Variants in PCCA observed in about 807,000 individuals in gnomAD.
PCCA encodes propionyl-CoA carboxylase alpha chain, mitochondrial.
A neutral mutation model predicts 101.3 loss-of-function variants in PCCA; 74 were observed. That is an observed-to-expected ratio of 0.73 (90% CI 0.61 to 0.89). PCCA has a LOEUF of 0.89. Ranked by LOEUF, PCCA falls within the 40% of genes least tolerant of loss-of-function variation. PCCA has a pLI of 0.00. For missense variants in PCCA, 891 were observed against 907.0 expected, an observed-to-expected ratio of 0.98 and a Z score of 0.23; for synonymous variants, 294 against 313.6, an observed-to-expected ratio of 0.94 and a Z score of 0.66.
chr13:100,111,993 G>A lies in PCCA; in HGVS notation c.232G>A (p.Val78Ile), dbSNP rs1385388584. ...TAGACATTAATATATTTTAAAATAG[G>A]TTATTAGAACTTGCAAGAAGATGGG... is the stretch of plus-strand genomic sequence containing the variant. The part of the protein sequence containing the change: ...VANRGEIACR[V>I]IRTCKKMGIK... The change falls in exon 4 of 24, where the codon GTT becomes ATT. Residue 78 changes from valine to isoleucine, a missense_variant and splice_region_variant. Coordinates refer to ENST00000376285, the MANE Select transcript of PCCA (RefSeq NM_000282.4). 1.9e-6 allele frequency: 3 copies of A among 1,602,522 alleles called. No homozygotes were observed. Among genetic ancestry groups the A allele is most frequent in the East Asian group, 4.5e-5 (2 of 44,740 alleles).
chr13:100,422,108 TTCTTTCTTTC>T (rs2078843107), intron 19 of PCCA, among the ~76,000 whole-genome samples: 1 of 146,318 alleles, frequency 6.8e-6, no homozygotes, highest in Non-Finnish European at 1.5e-5. Flanking sequence ...CTTTCTTTCT[TTCTTTCTTTC>T]TTTTCTTTCT....
At chr13:100,516,982 A>G (rs1387582624) in intron 22 of PCCA, among the ~76,000 whole-genome samples, 1 of 143,076 alleles carries the variant, frequency 7.0e-6, no homozygotes, top group East Asian at 2.0e-4. Flanking sequence ...GAAGGCATCT[A>G]TCTAGTCTGT....
rs117334578 is a variant in PCCA at position 100,228,927 on chromosome 13, A to G, written c.601-6915A>G. 5.0e-3 allele frequency among the ~76,000 whole-genome samples: 760 copies of G among 150,922 alleles called. 5 individuals carry two copies. Among genetic ancestry groups the G allele is most frequent in the Non-Finnish European group, 8.6e-3 (582 of 67,722 alleles). Reference sequence around the variant, plus strand: ...AAAAAAAAAAAAAAAAGCACAAAGTATATTTAGTAAAATAAAGTTTAACCT... The same window carrying G: ...AAAAAAAAAAAAAAAAGCACAAAGTGTATTTAGTAAAATAAAGTTTAACCT... On this transcript the variant is annotated intron_variant, in intron 7 of 23. Transcript: ENST00000376285.
intron 21 of PCCA, chr13:100,480,462 C>G (rs2083805007): frequency 6.6e-6 from 1 of 152,226 alleles, no homozygotes; most frequent in South Asian, 2.1e-4. Context: ...TTTGCAAAGG[C>G]TGACAGTGGT....
chr13:100,451,480 A>G (rs1051892534), intron 21 of PCCA, among the ~76,000 whole-genome samples: 1 of 152,154 alleles, frequency 6.6e-6, no homozygotes, highest in Non-Finnish European at 1.5e-5. Context: ...CATTACGTGG[A>G]TGGAGAGGAC....
chr13:100,493,274 G>C (rs2152983017), intron 21 of PCCA, among the ~76,000 whole-genome samples: 1 of 152,322 alleles, frequency 6.6e-6, no homozygotes, highest in South Asian at 2.1e-4. Context: ...AGGAGTCAGG[G>C]AACTCTCCCA....
intron 4 of PCCA, among the ~76,000 whole-genome samples, chr13:100,144,589 G>A (rs1415787324): frequency 2.6e-5 from 4 of 152,036 alleles, no homozygotes; most frequent in Non-Finnish European, 5.9e-5. Context: ...CTATGTTCTT[G>A]TTTATAATCT....
chr13:100,313,445 A>AG (rs2067092252), intron 16 of PCCA, among the ~76,000 whole-genome samples: 2 of 152,182 alleles, frequency 1.3e-5, no homozygotes, highest in African/African-American at 4.8e-5. Flanking sequence ...TTTGGTGGGC[A>AG]GGGGGCCAGG....
intron 19 of PCCA, among the ~76,000 whole-genome samples, chr13:100,374,756 A>G (rs537389030): frequency 6.6e-6 from 1 of 152,320 alleles, no homozygotes; most frequent in South Asian, 2.1e-4. Context: ...CATGTTTACT[A>G]CTAATAAACT....
intron 22 of PCCA, among the ~76,000 whole-genome samples, chr13:100,523,043 T>G (rs1036782266): frequency 2.6e-5 from 4 of 152,224 alleles, no homozygotes; most frequent in Admixed American, 2.6e-4. Context: ...TTCTTTTTCT[T>G]CCTGCACTTT....
At chr13:100,431,757 G>A (rs763452687) in intron 20 of PCCA, among the ~76,000 whole-genome samples, 2 of 152,026 alleles carry the variant, frequency 1.3e-5, no homozygotes, top group Non-Finnish European at 2.9e-5. Context: ...TCCCAGCTGC[G>A]TGGGAGGCTG....
At chr13:100,495,055 G>A (rs957089978) in intron 21 of PCCA, among the ~76,000 whole-genome samples, 2 of 151,714 alleles carry the variant, frequency 1.3e-5, no homozygotes, top group African/African-American at 2.4e-5. Flanking sequence ...TATTGCCCCC[G>A]GGCATATTCG....
chr13:100,186,351 A>G (rs890615600), intron 6 of PCCA, among the ~76,000 whole-genome samples: 2 of 152,342 alleles, frequency 1.3e-5, no homozygotes, highest in African/African-American at 2.4e-5. Flanking sequence ...ACATTTGAAT[A>G]TGGCCACGAG....
chr13:100,117,107 G>A (rs1452001044), intron 4 of PCCA, among the ~76,000 whole-genome samples: 9 of 152,080 alleles, frequency 5.9e-5, no homozygotes, highest in Non-Finnish European at 1.3e-4. Flanking sequence ...CCAACACTTG[G>A]TGTTTTCAGT....
At chr13:100,195,624 A>G (rs992792506) in intron 6 of PCCA, among the ~76,000 whole-genome samples, 31 of 152,258 alleles carry the variant, frequency 2.0e-4, no homozygotes, top group African/African-American at 7.5e-4. Flanking sequence ...TGTCAGTGCA[A>G]CCAGTCTAAG....
At chr13:100,491,876 A>G (rs746935327) in intron 21 of PCCA, 1 of 635,314 alleles carries the variant, frequency 1.6e-6, no homozygotes, top group Non-Finnish European at 2.1e-6. Context: ...TTAAATGAGA[A>G]TCAAGTGGCT....
At chr13:100,248,827 A>G (rs187849239) in intron 8 of PCCA, among the ~76,000 whole-genome samples, 2 of 151,448 alleles carry the variant, frequency 1.3e-5, no homozygotes, top group South Asian at 2.1e-4. Context: ...GCTCACTGCA[A>G]CCTCCGCCTC....
At chr13:100,259,762 CTGAT>C (rs2062353661) in intron 9 of PCCA, among the ~76,000 whole-genome samples, 1 of 152,192 alleles carries the variant, frequency 6.6e-6, no homozygotes, top group Non-Finnish European at 1.5e-5. Flanking sequence ...GATTGGGAAA[CTGAT>C]TGTGTCTATA....
intron 19 of PCCA, among the ~76,000 whole-genome samples, chr13:100,416,943 A>G (rs2078412444): frequency 6.6e-6 from 1 of 151,988 alleles, no homozygotes; most frequent in Non-Finnish European, 1.5e-5. Context: ...TCCCAGGTTC[A>G]AGCAATTCTC....
Sources: gnomAD v4.1 joint callset for allele counts (sites outside exome capture counted in the v4.1 genomes callset) on GRCh38, gnomAD v4.1.1 for gene constraint, MANE v1.5 for transcripts, NCBI Gene and HGNC (gene_info 2026-07-23, HGNC 2026-07-21) for gene names.